Variants in CADM2 observed in about 807,000 individuals in gnomAD.
The protein encoded by CADM2 is cell adhesion molecule 2, also known as immunoglobulin superfamily member 4D.
In CADM2, 12 loss-of-function variants were observed where a neutral mutation model predicts 49.8. The ratio of observed to expected loss-of-function variants is 0.24; its 90% CI spans 0.15 to 0.39. The LOEUF is 0.39. Ranked by LOEUF, CADM2 falls within the 10% of genes least tolerant of loss-of-function variation. CADM2 has a pLI of 1.00. For missense variants in CADM2, 378 were observed against 492.3 expected (o/e 0.77, Z 2.20); for synonymous variants, 214 against 175.4 (o/e 1.22, Z -1.74).
chr3:85,302,218 C>T (rs961158739), intron 1 of CADM2, among the ~76,000 whole-genome samples: 14 of 152,006 alleles, frequency 9.2e-5, no homozygotes, highest in Admixed American at 8.5e-4. Context: ...AGCCTATTTT[C>T]GTTTTTCATA....
chr3:85,731,496 G>A (rs1324649415), intron 2 of CADM2, among the ~76,000 whole-genome samples: 1 of 152,056 alleles, frequency 6.6e-6, no homozygotes, highest in Non-Finnish European at 1.5e-5. Flanking sequence ...TTAGTAAATT[G>A]TACCTATTAT....
At chr3:85,397,675 T>G (rs2107423518) in intron 1 of CADM2, among the ~76,000 whole-genome samples, 1 of 152,268 alleles carries the variant, frequency 6.6e-6, no homozygotes. Context: ...TTATCTAGAA[T>G]AAACACATTC....
At chr3:85,027,945 C>T (rs945291407) in intron 1 of CADM2, among the ~76,000 whole-genome samples, 5 of 152,020 alleles carry the variant, frequency 3.3e-5, no homozygotes, top group Non-Finnish European at 7.4e-5. Context: ...AAAACAGATA[C>T]CATTTATATG....
At chr3:85,488,585 G>C (rs1265911008) in intron 1 of CADM2, among the ~76,000 whole-genome samples, 1 of 152,018 alleles carries the variant, frequency 6.6e-6, no homozygotes, top group African/African-American at 2.4e-5. Context: ...AGGCTGGAGT[G>C]CAATGGTGCA....
At chr3:85,680,755 A>T (rs143904660) in intron 1 of CADM2, among the ~76,000 whole-genome samples, 1 of 152,258 alleles carries the variant, frequency 6.6e-6, no homozygotes, top group Non-Finnish European at 1.5e-5. Context: ...CATTCTCTTG[A>T]TTTCACAAAC....
intron 1 of CADM2, among the ~76,000 whole-genome samples, chr3:85,029,815 T>C (rs1016655878): frequency 6.6e-6 from 1 of 152,054 alleles, no homozygotes; most frequent in African/African-American, 2.4e-5. Context: ...CTTCACCTTG[T>C]ATCTGACTAG....
intron 3 of CADM2, among the ~76,000 whole-genome samples, chr3:85,805,184 T>A (rs1431284904): frequency 6.6e-6 from 1 of 152,130 alleles, no homozygotes; most frequent in African/African-American, 2.4e-5. Context: ...GCTCAAGCAA[T>A]CCTCCTGCCT....
intron 1 of CADM2, among the ~76,000 whole-genome samples, chr3:85,311,742 C>G (rs997415997): frequency 6.6e-6 from 1 of 152,090 alleles, no homozygotes; most frequent in African/African-American, 2.4e-5. Context: ...AAGACAAACA[C>G]CTTATGCTGA....
At chr3:85,287,658 CATT>C (rs375318558) in intron 1 of CADM2, among the ~76,000 whole-genome samples, 521 of 152,114 alleles carry the variant, frequency 3.4e-3, no homozygotes, top group African/African-American at 0.012. Flanking sequence ...GGATATTTGT[CATT>C]ATTAATTATT....
chr3:85,854,536 A>C (rs2075231314), intron 3 of CADM2, among the ~76,000 whole-genome samples: 1 of 152,174 alleles, frequency 6.6e-6, no homozygotes, highest in Non-Finnish European at 1.5e-5. Flanking sequence ...GGAGCAGAAA[A>C]CCAAACACCA....
intron 1 of CADM2, among the ~76,000 whole-genome samples, chr3:85,140,452 A>G (rs1475740351): frequency 2.6e-5 from 4 of 152,200 alleles, no homozygotes; most frequent in African/African-American, 7.2e-5. Context: ...TGATCTAAAC[A>G]TGTACATTGG....
At chr3:85,720,614 A>G (rs1387971844) in intron 1 of CADM2, among the ~76,000 whole-genome samples, 9 of 152,214 alleles carry the variant, frequency 5.9e-5, no homozygotes, top group Non-Finnish European at 2.9e-5. Context: ...AGTGAAATAA[A>G]TTAAATTCTC....
intron 1 of CADM2, among the ~76,000 whole-genome samples, chr3:85,172,616 A>G (rs1204775249): frequency 1.3e-5 from 2 of 151,954 alleles, no homozygotes. Flanking sequence ...ATATTCAGGA[A>G]CTAACTTGTG....
intron 1 of CADM2, among the ~76,000 whole-genome samples, chr3:85,317,438 C>T (rs944002101): frequency 2.0e-5 from 3 of 152,062 alleles, no homozygotes; most frequent in Non-Finnish European, 2.9e-5. Context: ...GTAGCCATTT[C>T]GGTCTGTTTT....
rs943840689 is a variant in CADM2 at position 85,909,616 on chromosome 3, C to G, written c.530-2757C>G. Among the ~76,000 whole-genome samples the G allele has an allele frequency of 3.3e-5, 5 of 152,142 alleles. 1 individual carries two copies. The East Asian group carries it at 9.6e-4, about 29-fold the overall frequency. ...GCAGCAGACTCTCAGACTCCACACT[C>G]TAACCTACTGAATGCGAATCTGCAT... On this transcript the variant is annotated intron_variant, in intron 5 of 9. Transcript: ENST00000383699.
At chr3:85,451,362 G>T (rs996755813) in intron 1 of CADM2, among the ~76,000 whole-genome samples, 1 of 151,988 alleles carries the variant, frequency 6.6e-6, no homozygotes, top group Non-Finnish European at 1.5e-5. Context: ...AATAATAATT[G>T]TTTTAGGAAA....
chr3:85,401,666 G>T (rs1397980168), intron 1 of CADM2, among the ~76,000 whole-genome samples: 1 of 152,036 alleles, frequency 6.6e-6, no homozygotes, highest in Non-Finnish European at 1.5e-5. Flanking sequence ...TTGAAATCTG[G>T]GTCTCTTAGT....
intron 1 of CADM2, among the ~76,000 whole-genome samples, chr3:85,667,322 C>T (rs909279635): frequency 9.2e-5 from 14 of 151,952 alleles, no homozygotes; most frequent in African/African-American, 3.1e-4. Context: ...ATTTTAAATG[C>T]TATTATTCCA....
At chr3:85,979,327 G>A in intron 8 of CADM2, 8 of 1,593,042 alleles carry the variant, frequency 5.0e-6, no homozygotes, top group African/African-American at 1.3e-5. Flanking sequence ...CACATTAACT[G>A]GAGCTCTGTA....
Sources: allele counts gnomAD v4.1 joint callset (sites outside exome capture counted in the v4.1 genomes callset), GRCh38; gene constraint gnomAD v4.1.1; transcripts MANE v1.5; gene names NCBI Gene and HGNC (gene_info 2026-07-23, HGNC 2026-07-21).